Variants in SLC8A1 observed in about 807,000 individuals in gnomAD.
The protein encoded by SLC8A1 is solute carrier family 8 member A1, also known as sodium/calcium exchanger 1.
Under a neutral mutation model 68.3 loss-of-function variants are expected in SLC8A1, and 18 were observed. The ratio of observed to expected loss-of-function variants is 0.26; its 90% CI spans 0.18 to 0.39. The LOEUF (loss-of-function observed/expected upper bound fraction) is 0.39, where lower values mean the gene tolerates loss of function less well. Among genes scored for constraint, SLC8A1 ranks in the 10% least tolerant of loss-of-function variants. The pLI, the probability that SLC8A1 is intolerant of heterozygous loss-of-function variation, is 1.00. For missense variants in SLC8A1, 985 were observed against 1,156.7 expected (o/e 0.85, Z 2.15); for synonymous variants, 475 against 415.5 (o/e 1.14, Z -1.74).
At chr2:40,397,228 A>G (rs566672304) in intron 2 of SLC8A1, among the ~76,000 whole-genome samples, 3 of 152,304 alleles carry the variant, frequency 2.0e-5, no homozygotes, top group East Asian at 3.9e-4. Context: ...TCTGAATTGT[A>G]TTCCACTGTC....
rs575090033 is a variant in SLC8A1 at position 40,206,060 on chromosome 2, C to T, written c.1809-28205G>A. Among the ~76,000 whole-genome samples the T allele has an allele frequency of 5.3e-5, 8 of 152,030 alleles. No individual in the cohort carries two copies. In the South Asian group the frequency reaches 1.2e-3, roughly 24 times the overall value. ...TTGGAAAAAGTAAAGTTACAGAAAACTAGGTTGTTTTCAGAGAATTCAACA... is the reference window on the plus strand; with the variant it reads ...TTGGAAAAAGTAAAGTTACAGAAAATTAGGTTGTTTTCAGAGAATTCAACA... On this transcript the variant is annotated intron_variant, in intron 2 of 7. Coordinates refer to ENST00000406785, the Ensembl canonical transcript of SLC8A1.
chr2:40,212,420 G>T (rs940476735), intron 2 of SLC8A1, among the ~76,000 whole-genome samples: 8 of 151,998 alleles, frequency 5.3e-5, no homozygotes, highest in Admixed American at 3.9e-4. Context: ...ATGTAGCTGG[G>T]ACTACAGGTG....
At chr2:40,327,003 C>T (rs2075898858) in intron 2 of SLC8A1, among the ~76,000 whole-genome samples, 1 of 152,166 alleles carries the variant, frequency 6.6e-6, no homozygotes, top group African/African-American at 2.4e-5. Flanking sequence ...CAAAACATTA[C>T]TTTTGTGTAA....
chr2:40,243,692 G>T (rs1008510180), intron 2 of SLC8A1, among the ~76,000 whole-genome samples: 2 of 152,150 alleles, frequency 1.3e-5, no homozygotes, highest in Admixed American at 6.6e-5. Context: ...TTTTGGAAGG[G>T]TATTGCATTT....
intron 6 of SLC8A1, among the ~76,000 whole-genome samples, chr2:40,147,285 A>T (rs2042647862): frequency 6.6e-6 from 1 of 152,188 alleles, no homozygotes; most frequent in African/African-American, 2.4e-5. Flanking sequence ...GTTTAATGTA[A>T]TTAGTCATGT....
chr2:40,459,486 TG>T (rs1703217943), intron 1 of SLC8A1, among the ~76,000 whole-genome samples: 1 of 152,194 alleles, frequency 6.6e-6, no homozygotes, highest in Admixed American at 6.5e-5. Context: ...CATGGCCATA[TG>T]ACTTGTACCA....
chr2:40,208,671 A>G (rs1443482365), intron 2 of SLC8A1, among the ~76,000 whole-genome samples: 2 of 152,180 alleles, frequency 1.3e-5, no homozygotes, highest in Non-Finnish European at 2.9e-5. Context: ...AACAGGAAAG[A>G]GTTGCCAAAT....
chr2:40,134,871 AAAAT>A lies in SLC8A1; in HGVS notation c.2437+4526_2437+4529del, dbSNP rs1490153319. On this transcript the variant is annotated intron_variant, in intron 7 of 7. Coordinates refer to ENST00000406785, the Ensembl canonical transcript of SLC8A1. Reference sequence around the variant, plus strand: ...CAGAGTTAGAAAATAATAACATTCAAAAATAAGTAAACTAAAAAAATCCAGAATG... The same window carrying A: ...CAGAGTTAGAAAATAATAACATTCAAAAGTAAACTAAAAAAATCCAGAATG... 4.0e-4 allele frequency among the ~76,000 whole-genome samples: 61 copies of A among 152,366 alleles called. No individual in the cohort carries two copies. The South Asian group carries it at 5.8e-3, about 14-fold the overall frequency.
intron 2 of SLC8A1, among the ~76,000 whole-genome samples, chr2:40,211,715 G>A (rs981227958): frequency 6.6e-6 from 1 of 152,180 alleles, no homozygotes; most frequent in South Asian, 2.1e-4. Flanking sequence ...TGGAAATCTG[G>A]ACTTGGACAA....
chr2:40,200,215 TATATTTTTTTATATATATATATAA>T (rs2053977788), intron 2 of SLC8A1, among the ~76,000 whole-genome samples: 1 of 10,870 alleles, frequency 9.2e-5, no homozygotes, highest in African/African-American at 4.3e-4. Context: ...TAAATATATA[TATATTTTTTTATATATATATATAA>T]ATATATATAT....
At chr2:40,379,072 G>T (rs1241024521) in intron 2 of SLC8A1, among the ~76,000 whole-genome samples, 3 of 152,074 alleles carry the variant, frequency 2.0e-5, no homozygotes, top group African/African-American at 7.2e-5. Flanking sequence ...TTCCAGAATA[G>T]CATCTGGCTC....
chr2:40,231,896 C>T (rs1385653809), intron 2 of SLC8A1, among the ~76,000 whole-genome samples: 2 of 152,164 alleles, frequency 1.3e-5, no homozygotes, highest in East Asian at 3.9e-4. Flanking sequence ...CCAAACTTGG[C>T]TGTCCCTGGA....
chr2:40,427,418 A>G (rs1697157097), intron 2 of SLC8A1, among the ~76,000 whole-genome samples: 4 of 152,098 alleles, frequency 2.6e-5, no homozygotes. Flanking sequence ...TGAAATTTCT[A>G]AATGTCCAGT....
chr2:40,165,997 A>C (rs2046487092), intron 4 of SLC8A1, among the ~76,000 whole-genome samples: 1 of 152,226 alleles, frequency 6.6e-6, no homozygotes, highest in South Asian at 2.1e-4. Context: ...ATTATCTGAT[A>C]TGGAAAGACC....
intron 1 of SLC8A1, among the ~76,000 whole-genome samples, chr2:40,479,236 A>T (rs1390121742): frequency 6.6e-6 from 1 of 152,236 alleles, no homozygotes; most frequent in Non-Finnish European, 1.5e-5. Context: ...ATTTTAAATT[A>T]GTATCTTTTT....
intron 2 of SLC8A1, among the ~76,000 whole-genome samples, chr2:40,400,735 G>A (rs972822359): frequency 1.3e-5 from 2 of 152,124 alleles, no homozygotes; most frequent in South Asian, 2.1e-4. Flanking sequence ...CTTGCAAGAT[G>A]GGGGTAGGAG....
intron 2 of SLC8A1, among the ~76,000 whole-genome samples, chr2:40,252,329 T>C (rs1179848435): frequency 6.6e-6 from 1 of 151,950 alleles, no homozygotes; most frequent in Non-Finnish European, 1.5e-5. Context: ...AGATAGTACA[T>C]TTGTATTTTG....
At chr2:40,254,974 ATC>A (rs2063648775) in intron 2 of SLC8A1, 1 of 151,924 alleles carries the variant, frequency 6.6e-6, no homozygotes, top group South Asian at 2.1e-4. Context: ...CATTCCTTCT[ATC>A]TCGCCTGTTT....
At chr2:40,250,264 C>G (rs1326988208) in intron 2 of SLC8A1, 1 of 152,108 alleles carries the variant, frequency 6.6e-6, no homozygotes, top group Non-Finnish European at 1.5e-5. Context: ...TTGCTCTGGA[C>G]AACAGACAAA....
Sources: gnomAD v4.1 joint callset for allele counts (sites outside exome capture counted in the v4.1 genomes callset) on GRCh38, gnomAD v4.1.1 for gene constraint, MANE v1.5 for transcripts, NCBI Gene and HGNC (gene_info 2026-07-23, HGNC 2026-07-21) for gene names.